CSMD3: variants seen among roughly 807,000 people sequenced by gnomAD.
CSMD3 encodes CUB and sushi domain-containing protein 3.
In CSMD3, 177 loss-of-function variants were observed where a neutral mutation model predicts 435.2. The observed-to-expected ratio is 0.41, with a 90% CI of 0.36 to 0.46. The LOEUF is 0.46. Among genes scored for constraint, CSMD3 ranks in the 20% least tolerant of loss-of-function variants. The probability of loss-of-function intolerance (pLI) is 0.34; values close to 1 mark genes in which losing one functional copy is unlikely to be tolerated. For synonymous variants in CSMD3, 1,656 were observed against 1,520.5 expected (o/e 1.09, Z -2.07); for missense variants, 4,265 against 4,504.6 (o/e 0.95, Z 1.52).
At chr8:112,765,632 A>C (rs1242420821) in intron 13 of CSMD3, among the ~76,000 whole-genome samples, 2 of 151,674 alleles carry the variant, frequency 1.3e-5, no homozygotes, top group African/African-American at 4.8e-5. Context: ...TCACTTAATA[A>C]ACATTTTCAA....
chr8:113,391,933 CT>C (rs1442210871), intron 1 of CSMD3, among the ~76,000 whole-genome samples: 1 of 152,004 alleles, frequency 6.6e-6, no homozygotes, highest in Non-Finnish European at 1.5e-5. Flanking sequence ...AGTGTGCTTA[CT>C]AAGTGTGGAA....
chr8:113,007,615 T>G (rs1039039477), intron 6 of CSMD3, among the ~76,000 whole-genome samples: 2 of 151,914 alleles, frequency 1.3e-5, no homozygotes, highest in African/African-American at 4.8e-5. Flanking sequence ...CACCCAAGTT[T>G]GTGGCACTTT....
chr8:113,067,678 G>T (rs1409329340), intron 5 of CSMD3, among the ~76,000 whole-genome samples: 1 of 151,982 alleles, frequency 6.6e-6, no homozygotes, highest in African/African-American at 2.4e-5. Flanking sequence ...TTTTACAGCA[G>T]AAAGTAACAC....
At chr8:112,434,337 C>T (rs1814072663) in intron 32 of CSMD3, among the ~76,000 whole-genome samples, 1 of 152,066 alleles carries the variant, frequency 6.6e-6, no homozygotes. Context: ...GCAGAGTTGG[C>T]ATTTATACCA....
At position 112,383,621 on chromosome 8, in the gene CSMD3, G is replaced by A. The variant is rs2131255080; in HGVS notation, c.5977C>T (p.Leu1993=). Residue 1993 remains leucine (L), a synonymous_variant, in exon 37 of 71, where the codon CTG becomes TTG. Coordinates refer to ENST00000297405, the MANE Select transcript of CSMD3 (RefSeq NM_198123.2). ...SFATEHNWDS[L]DFYDGGDNNA... Reference sequence around the variant, plus strand: ...TTGTCTCCCCCATCATAAAAGTCCAGAGAATCCCAATTATGTTCTGTAGCA... The same window carrying A: ...TTGTCTCCCCCATCATAAAAGTCCAAAGAATCCCAATTATGTTCTGTAGCA... The A allele has an allele frequency of 6.2e-7, 1 of 1,610,092 alleles. No individual in the cohort carries two copies. The highest frequency in any genetic ancestry group is 8.5e-7 in the Non-Finnish European group (1 of 1,176,586).
intron 35 of CSMD3, among the ~76,000 whole-genome samples, chr8:112,405,565 C>CT (rs1031762840): frequency 2.0e-5 from 3 of 151,540 alleles, no homozygotes; most frequent in African/African-American, 7.3e-5. Context: ...AGTATACATT[C>CT]TATTTACCAA....
intron 1 of CSMD3, among the ~76,000 whole-genome samples, chr8:113,323,521 T>C (rs1465028812): frequency 6.6e-6 from 1 of 152,204 alleles, no homozygotes; most frequent in Non-Finnish European, 1.5e-5. Flanking sequence ...TGAAGGACCC[T>C]AGCAGATATT....
chr8:112,308,904 G>A (rs183081227), intron 50 of CSMD3, among the ~76,000 whole-genome samples: 1 of 152,032 alleles, frequency 6.6e-6, no homozygotes, highest in Admixed American at 6.5e-5. Context: ...GAAATAAAAG[G>A]TGCATTATGC....
At chr8:112,698,870 C>A (rs771083398) in intron 13 of CSMD3, among the ~76,000 whole-genome samples, 1 of 152,108 alleles carries the variant, frequency 6.6e-6, no homozygotes, top group African/African-American at 2.4e-5. Flanking sequence ...ATGCACCAAT[C>A]GGTGCTGTGT....
chr8:112,816,254 T>G (rs1290774699), intron 12 of CSMD3, among the ~76,000 whole-genome samples: 1 of 152,102 alleles, frequency 6.6e-6, no homozygotes, highest in Non-Finnish European at 1.5e-5. Flanking sequence ...AAATCTGAGA[T>G]GAATAGAAGA....
At chr8:112,930,168 C>A (rs940603185) in intron 9 of CSMD3, among the ~76,000 whole-genome samples, 1 of 152,056 alleles carries the variant, frequency 6.6e-6, no homozygotes, top group Non-Finnish European at 1.5e-5. Flanking sequence ...TCATACAATA[C>A]GCCTCTTTAA....
intron 3 of CSMD3, among the ~76,000 whole-genome samples, chr8:113,274,560 A>G (rs1563638445): frequency 6.6e-6 from 1 of 152,104 alleles, no homozygotes; most frequent in Non-Finnish European, 1.5e-5. Flanking sequence ...AATTACAGAT[A>G]CCTATTGGTC....
At chr8:112,374,660 T>G (rs1828770901) in intron 38 of CSMD3, among the ~76,000 whole-genome samples, 1 of 152,178 alleles carries the variant, frequency 6.6e-6, no homozygotes. Flanking sequence ...AGTTTTCAAA[T>G]AATAATGTTC....
intron 30 of CSMD3, among the ~76,000 whole-genome samples, chr8:112,498,128 T>A (rs978946983): frequency 6.6e-6 from 1 of 152,110 alleles, no homozygotes; most frequent in Non-Finnish European, 1.5e-5. Context: ...ACTTATGTAG[T>A]CTTGTGTAAA....
intron 3 of CSMD3, among the ~76,000 whole-genome samples, chr8:113,185,595 CA>C (rs946125432): frequency 1.3e-5 from 2 of 152,018 alleles, no homozygotes; most frequent in Non-Finnish European, 2.9e-5. Context: ...ATGTCCATTC[CA>C]CTTTTCTATT....
At chr8:112,326,903 T>C (rs1256943975) in intron 45 of CSMD3, among the ~76,000 whole-genome samples, 4 of 152,072 alleles carry the variant, frequency 2.6e-5, no homozygotes, top group African/African-American at 4.8e-5. Flanking sequence ...ATGCCTGTAA[T>C]CCCAGCTACT....
At chr8:112,962,192 TA>T (rs1389781429) in intron 7 of CSMD3, among the ~76,000 whole-genome samples, 1 of 151,824 alleles carries the variant, frequency 6.6e-6, no homozygotes, top group Non-Finnish European at 1.5e-5. Context: ...TTCTCTAGAA[TA>T]CAAGTGATTT....
intron 3 of CSMD3, among the ~76,000 whole-genome samples, chr8:113,203,002 G>A (rs546920038): frequency 2.0e-5 from 3 of 152,110 alleles, no homozygotes; most frequent in African/African-American, 7.2e-5. Context: ...TCAGTTTACA[G>A]AGAAACCCAT....
intron 13 of CSMD3, among the ~76,000 whole-genome samples, chr8:112,693,132 A>G (rs1282530810): frequency 1.3e-5 from 2 of 152,104 alleles, no homozygotes; most frequent in African/African-American, 4.8e-5. Context: ...ATAAATAAAC[A>G]GACAAGGATT....
Sources: allele counts gnomAD v4.1 joint callset (sites outside exome capture counted in the v4.1 genomes callset), GRCh38; gene constraint gnomAD v4.1.1; transcripts MANE v1.5; gene names NCBI Gene and HGNC (gene_info 2026-07-23, HGNC 2026-07-21).